Variants in TAF1A observed in about 807,000 individuals in gnomAD.
TAF1A encodes the protein TATA box-binding protein-associated factor RNA polymerase I subunit A.
Under a neutral mutation model 61.6 loss-of-function variants are expected in TAF1A, and 42 were observed. That is an observed-to-expected ratio of 0.68 (90% CI 0.53 to 0.88). The LOEUF is 0.88. Ranked by LOEUF, TAF1A falls within the 40% of genes least tolerant of loss-of-function variation. The probability of loss-of-function intolerance (pLI) is 0.00; values close to 1 mark genes in which losing one functional copy is unlikely to be tolerated. For synonymous variants in TAF1A, 179 were observed against 177.7 expected (o/e 1.01, Z -0.06); for missense variants, 424 against 518.7 (o/e 0.82, Z 1.77).
At chr1:222,570,110 G>C (rs1237314393) in intron 6 of TAF1A, among the ~76,000 whole-genome samples, 1 of 152,138 alleles carries the variant, frequency 6.6e-6, no homozygotes, top group Non-Finnish European at 1.5e-5. Context: ...CTAGTGCCTA[G>C]CACCAAGGCC....
chr1:222,564,774 A>G (rs1053593044), intron 7 of TAF1A, among the ~76,000 whole-genome samples: 2 of 152,232 alleles, frequency 1.3e-5, no homozygotes, highest in African/African-American at 4.8e-5. Flanking sequence ...AAATGAATTC[A>G]TTCTGCTTAC....
chr1:222,569,669 C>G lies in TAF1A; in HGVS notation c.736-1G>C. On this transcript the variant is annotated splice_acceptor_variant, in intron 6 of 10. Transcript: ENST00000352967. LOFTEE classifies it high-confidence loss of function. Reference sequence around the variant, plus strand: ...CTCGATCCCCATAGAATTCCAGCATCTATATAAAATAAATCATAATATCTT... The same window carrying G: ...CTCGATCCCCATAGAATTCCAGCATGTATATAAAATAAATCATAATATCTT... 6.2e-7 allele frequency: 1 copy of G among 1,609,266 alleles called. No individual in the cohort carries two copies. The highest frequency in any genetic ancestry group is 8.5e-7 in the Non-Finnish European group (1 of 1,178,402).
At chr1:222,584,492 C>T (rs1660932590) in intron 2 of TAF1A, among the ~76,000 whole-genome samples, 195 bp from the exon 3 acceptor site, 1 of 152,110 alleles carries the variant, frequency 6.6e-6, no homozygotes, top group Non-Finnish European at 1.5e-5. Context: ...CAGATAAAAA[C>T]ATTTCTAATT....
intron 4 of TAF1A, 72 bp from the exon 5 acceptor site, chr1:222,577,715 T>C (rs1371770430): frequency 2.2e-6 from 3 of 1,356,818 alleles, no homozygotes; most frequent in African/African-American, 2.9e-5. Flanking sequence ...TCAGTAAATA[T>C]ATAATACATG....
At chr1:222,561,550 A>G (rs755040067) in intron 9 of TAF1A, 32 bp from the exon 10 acceptor site, 2 of 1,564,370 alleles carry the variant, frequency 1.3e-6, no homozygotes, top group Admixed American at 3.9e-5. Context: ...AGAGAGGGTC[A>G]ATGATGGAAA....
At position 222,564,095 on chromosome 1, in the gene TAF1A, A is replaced by G. The variant is rs1444329351; in HGVS notation, c.925T>C (p.Leu309=). ...ILYQIVPSHK[L]MLEFHTLLRK... is the part of the protein sequence containing the mutation. ...AGTAATGTATGGAATTCCAACATCA[A>G]TTTATGAGATGGTACAATCTGATAC... Residue 309 remains leucine (L), a synonymous_variant, in exon 8 of 11, where the codon TTG becomes CTG. Coordinates refer to ENST00000352967, the MANE Select transcript of TAF1A (RefSeq NM_005681.4). 3 of 1,561,672 alleles carry G rather than the reference A, an allele frequency of 1.9e-6. No homozygotes were observed. The East Asian group carries it at 6.8e-5, about 35-fold the overall frequency.
At chr1:222,562,147 T>C (rs1421248086) in intron 9 of TAF1A, among the ~76,000 whole-genome samples, 6 of 152,218 alleles carry the variant, frequency 3.9e-5, no homozygotes, top group Non-Finnish European at 7.3e-5. Context: ...GTGAATAATT[T>C]TTTTTATTGT....
At chr1:222,574,555 A>G (rs1490034377) in intron 5 of TAF1A, among the ~76,000 whole-genome samples, 1 of 152,244 alleles carries the variant, frequency 6.6e-6, no homozygotes, top group Non-Finnish European at 1.5e-5. Context: ...ATTTCAAAGC[A>G]GAATTATTTA....
At chr1:222,555,812 A>G (rs1239229091), downstream of TAF1A, among the ~76,000 whole-genome samples, 2 of 152,214 alleles carry the variant, frequency 1.3e-5, no homozygotes, top group Admixed American at 1.3e-4. Flanking sequence ...ATATCAAAAC[A>G]TCAGGTTGTA....
chr1:222,588,640 CTA>C lies in TAF1A; in HGVS notation c.-2-77_-2-76del. 3.4e-6 allele frequency: 5 copies of C among 1,462,544 alleles called. No individual in the cohort carries two copies. The South Asian group carries it at 5.4e-5, about 16-fold the overall frequency. 90.6% of individuals were successfully genotyped at this position (1,462,544 alleles called of 1,614,324 possible). A position where few individuals can be genotyped will look rare whatever the true frequency, so the allele number is the denominator to read the frequency against. On this transcript the variant is annotated intron_variant, in intron 1 of 10. Coordinates refer to ENST00000352967, the MANE Select transcript of TAF1A (RefSeq NM_005681.4). Reference sequence around the variant, plus strand: ...TCTTCTGAGTTGTACAGAAAAACGGCTATCTTTTTATCTAATAAATATAATTT... The same window carrying C: ...TCTTCTGAGTTGTACAGAAAAACGGCTCTTTTTATCTAATAAATATAATTT...
At chr1:222,567,255 C>T (rs576167376) in intron 7 of TAF1A, among the ~76,000 whole-genome samples, 7 of 152,034 alleles carry the variant, frequency 4.6e-5, no homozygotes, top group Admixed American at 1.3e-4. Context: ...ATCAAATTCA[C>T]GAAGATGGAA....
chr1:222,559,288 G>A (rs995969599), intron 10 of TAF1A, among the ~76,000 whole-genome samples: 2 of 152,340 alleles, frequency 1.3e-5, no homozygotes, highest in African/African-American at 2.4e-5. Context: ...CAAATCATAG[G>A]TTAGAAACGG....
At chr1:222,585,044 T>C (rs1446860839) in intron 2 of TAF1A, among the ~76,000 whole-genome samples, 2 of 152,186 alleles carry the variant, frequency 1.3e-5, no homozygotes, top group Non-Finnish European at 1.5e-5. Context: ...CAAGTTAATC[T>C]CCTAGACAGC....
chr1:222,564,061 G>T lies in TAF1A; in HGVS notation c.959C>A (p.Ser320Ter). The T allele has an allele frequency of 6.5e-7, 1 of 1,528,178 alleles. No individual in the cohort carries two copies. Among genetic ancestry groups the T allele is most frequent in the South Asian group, 1.1e-5 (1 of 87,392 alleles). 94.7% of individuals were successfully genotyped at this position (1,528,178 alleles called of 1,614,324 possible). A position where few individuals can be genotyped will look rare whatever the true frequency, so the allele number is the denominator to read the frequency against. ...MLEFHTLLRK[S>*]EKEEHRKLGL... ...ATAAAACAACATTTATTTATTACCT[G>T]ATTTTCTAAGTAATGTATGGAATTC... Residue 320 changes from serine to a stop codon, truncating the protein, a stop_gained and splice_region_variant, in exon 8 of 11, where the codon TCA becomes TAA. Transcript: ENST00000352967. LOFTEE classifies it high-confidence loss of function.
chr1:222,567,080 G>A (rs1660145949), intron 7 of TAF1A, among the ~76,000 whole-genome samples: 1 of 152,122 alleles, frequency 6.6e-6, no homozygotes, highest in Non-Finnish European at 1.5e-5. Flanking sequence ...TAAGCAAAAT[G>A]TTGTAGGTAC....
intron 3 of TAF1A, 40 bp from the exon 4 acceptor site, chr1:222,579,912 G>C: frequency 6.3e-7 from 1 of 1,579,188 alleles, no homozygotes; most frequent in Non-Finnish European, 8.6e-7. Context: ...TAAAATTTTT[G>C]CCTTAACCAA....
At chr1:222,576,835 G>A (rs1660589770) in intron 5 of TAF1A, among the ~76,000 whole-genome samples, 2 of 152,172 alleles carry the variant, frequency 1.3e-5, no homozygotes, top group Non-Finnish European at 2.9e-5. Flanking sequence ...GCCTTTCTTA[G>A]AAATTGGCAA....
At chr1:222,584,637 G>A (rs1193186991) in intron 2 of TAF1A, among the ~76,000 whole-genome samples, 2 of 152,086 alleles carry the variant, frequency 1.3e-5, no homozygotes, top group Middle Eastern at 3.2e-3. Context: ...TTTAGAATGG[G>A]TAAAATGTCA....
chr1:222,569,355 G>A, intron 7 of TAF1A, 155 bp downstream of exon 7: 2 of 1,542,056 alleles, frequency 1.3e-6, no homozygotes, highest in Non-Finnish European at 1.7e-6. Context: ...CATACATGGA[G>A]ATGGCAGCTG....
Sources: gnomAD v4.1 joint callset for allele counts (sites outside exome capture counted in the v4.1 genomes callset) on GRCh38, gnomAD v4.1.1 for gene constraint, MANE v1.5 for transcripts, NCBI Gene and HGNC (gene_info 2026-07-23, HGNC 2026-07-21) for gene names.